Variants in NDNF observed in about 807,000 individuals in gnomAD.
NDNF encodes the protein protein NDNF.
NDNF carries 16 observed loss-of-function variants against 42.0 expected under a neutral mutation model. The observed-to-expected ratio is 0.38, with a 90% CI of 0.26 to 0.58. The LOEUF (loss-of-function observed/expected upper bound fraction) is 0.58, where lower values mean the gene tolerates loss of function less well. NDNF is among the 20% of genes least tolerant of loss of function. NDNF has a pLI of 0.67. For missense variants in NDNF, 616 were observed against 666.2 expected, an observed-to-expected ratio of 0.92 and a Z score of 0.83; for synonymous variants, 248 against 251.7, an observed-to-expected ratio of 0.99 and a Z score of 0.14.
chr4:121,059,417 C>G lies in NDNF; in HGVS notation c.-2+12576G>C, dbSNP rs559334675. On this transcript the variant is annotated intron_variant, in intron 1 of 3. Transcript: ENST00000379692. ...CTTAATAGCAAATAAAATATGAATGCTTTTGACAATTTTATGGGTGCTAAA... is the reference window on the plus strand; with the variant it reads ...CTTAATAGCAAATAAAATATGAATGGTTTTGACAATTTTATGGGTGCTAAA... Among the ~76,000 whole-genome samples, 8 of 152,238 alleles carry G rather than the reference C, an allele frequency of 5.3e-5. No individual in the cohort carries two copies. In the East Asian group the frequency reaches 1.4e-3, roughly 26 times the overall value.
Position 121,051,991 on chromosome 4 carries a change from G to A in NDNF, c.-1-6153C>T, listed in dbSNP as rs143058478. On this transcript the variant is annotated intron_variant, in intron 1 of 3. Transcript: ENST00000379692. ...GTCCAAGGCTCTCAAAATAGAAGAC[G>A]TGATATAAATTAATGCACTGTGACC... Among the ~76,000 whole-genome samples the A allele has an allele frequency of 1.9e-3, 292 of 152,304 alleles. 1 individual carries two copies. The highest frequency in any genetic ancestry group is 2.4e-3 in the Non-Finnish European group (160 of 68,022).
At chr4:121,042,487 TAAAC>T (rs756282404) in intron 2 of NDNF, among the ~76,000 whole-genome samples, 13 of 152,220 alleles carry the variant, frequency 8.5e-5, no homozygotes, top group Non-Finnish European at 1.6e-4. Context: ...ACAGTAAAGT[TAAAC>T]AATCATCTAG....
At chr4:121,039,192 GTATATATATATATATATATATA>G (rs57613027) in intron 3 of NDNF, among the ~76,000 whole-genome samples, 5 of 21,558 alleles carry the variant, frequency 2.3e-4, no homozygotes, top group African/African-American at 3.0e-4. Flanking sequence ...GTGTGTGTGT[GTATATATATATATATATATATA>G]TATATATATA....
In NDNF at chr4:121,060,647, C is replaced by T. The variant is rs185860178; in HGVS notation, c.-2+11346G>A. Among the ~76,000 whole-genome samples, 457 of 152,206 alleles carry T rather than the reference C, an allele frequency of 3.0e-3. 2 individuals carry two copies. The highest frequency in any genetic ancestry group is 0.011 in the African/African-American group (442 of 41,506). On this transcript the variant is annotated intron_variant, in intron 1 of 3. Coordinates refer to ENST00000379692, the MANE Select transcript of NDNF (RefSeq NM_024574.4). ...CTTAACAGAGTTTGCAAAAACACTA[C>T]CAATAAATAAAATGAGATCAAGAAG...
Position 121,040,021 on chromosome 4 carries a change from T to TG in NDNF, c.221dup (p.Leu75IlefsTer9). The stretch of plus-strand genomic sequence containing the variant: ...CACAGGGCGTCACTGTGACTGATAA[T>TG]GGAGTATTGTCTTCTTCAACCACAA... On this transcript the variant is annotated frameshift_variant, in exon 3 of 4. Coordinates refer to ENST00000379692, the MANE Select transcript of NDNF (RefSeq NM_024574.4). LOFTEE classifies it high-confidence loss of function. 3 of 1,613,960 alleles carry TG rather than the reference T, an allele frequency of 1.9e-6. No homozygotes were observed. The highest frequency in any genetic ancestry group is 2.5e-6 in the Non-Finnish European group (3 of 1,179,942).
intron 1 of NDNF, among the ~76,000 whole-genome samples, chr4:121,053,105 A>G (rs1727228196): frequency 2.0e-5 from 3 of 152,210 alleles, no homozygotes; most frequent in Admixed American, 6.5e-5. Flanking sequence ...ACACAGTGAC[A>G]TGATTATTAA....
At chr4:121,049,503 C>T (rs554604828) in intron 1 of NDNF, among the ~76,000 whole-genome samples, 10 of 152,248 alleles carry the variant, frequency 6.6e-5, no homozygotes, top group Admixed American at 5.9e-4. Flanking sequence ...CTGAGTAATA[C>T]GTCACTCTGA....
chr4:121,061,355 C>T (rs958380676), intron 1 of NDNF: 2 of 152,810 alleles, frequency 1.3e-5, no homozygotes, highest in Admixed American at 6.5e-5. Context: ...TGCACAGCTT[C>T]GGGAGCGATG....
intron 1 of NDNF, chr4:121,061,345 T>G (rs1279752621): frequency 6.5e-6 from 1 of 152,702 alleles, no homozygotes; most frequent in Admixed American, 6.5e-5. Context: ...TTTGGCCAAG[T>G]GCACAGCTTC....
chr4:121,040,041 C>G lies in NDNF; in HGVS notation c.202G>C (p.Val68Leu). Residue 68 changes from valine (V) to leucine (L), a missense_variant, in exon 3 of 4, where the codon GTT becomes CTT. Physicochemically the swap from Val to Leu is conservative, Grantham distance 32. Transcript: ENST00000379692. The stretch of plus-strand genomic sequence containing the variant: ...GATAATGGAGTATTGTCTTCTTCAA[C>G]CACAAAGAAATACCTGTGGGAAAGT... ...RDTPKRYFFV[V>L]EEDNTPLSVT... 6.2e-7 allele frequency: 1 copy of G among 1,613,550 alleles called. No homozygotes were observed. The highest frequency in any genetic ancestry group is 8.5e-7 in the Non-Finnish European group (1 of 1,179,800).
Position 121,036,948 on chromosome 4 carries a change from C to G in NDNF, c.1023G>C (p.Lys341Asn), listed in dbSNP as rs147317662. 25 of 1,613,946 alleles carry G rather than the reference C, an allele frequency of 1.5e-5. No individual in the cohort carries two copies. The highest frequency in any genetic ancestry group is 2.1e-5 in the Non-Finnish European group (25 of 1,179,996). Residue 341 changes from lysine (K) to asparagine (N), a missense_variant, in exon 4 of 4, where the codon AAG becomes AAC. By Grantham distance (94) the Lys-to-Asn change is moderately conservative (BLOSUM62 0). Coordinates refer to ENST00000379692, the MANE Select transcript of NDNF (RefSeq NM_024574.4). ...TCTTCCCATCTTTTAGCTCGACTGT[C>G]TTCTGTTTGGCTTCTTCCTTGGTCC... ...FARTKEEAKQ[K>N]TVELKDGKIT...
intron 2 of NDNF, among the ~76,000 whole-genome samples, chr4:121,042,323 T>C (rs1164001454): frequency 6.6e-6 from 1 of 152,238 alleles, no homozygotes; most frequent in African/African-American, 2.4e-5. Context: ...AGAGTCTCCT[T>C]CTATCTGAAG....
rs2148765018 is a variant in NDNF, at chr4:121,044,496, T to C, written c.188+1154A>G. Among the ~76,000 whole-genome samples the C allele has an allele frequency of 3.3e-5, 5 of 150,494 alleles. 1 individual carries two copies. The South Asian group carries it at 1.0e-3, about 31-fold the overall frequency. On this transcript the variant is annotated intron_variant, in intron 2 of 3. Coordinates refer to ENST00000379692, the MANE Select transcript of NDNF (RefSeq NM_024574.4). ...CTTTAAATGTAATTAATTTATAACATATTATTTTTATTTTATATATATATA... is the reference window on the plus strand; with the variant it reads ...CTTTAAATGTAATTAATTTATAACACATTATTTTTATTTTATATATATATA...
chr4:121,056,560 G>A (rs1336480506), intron 1 of NDNF, among the ~76,000 whole-genome samples: 1 of 152,118 alleles, frequency 6.6e-6, no homozygotes, highest in East Asian at 1.9e-4. Flanking sequence ...GACTAAAACA[G>A]AATACTACAG....
rs150902869 is a variant in NDNF at position 121,037,224 on chromosome 4, G to C, written c.747C>G (p.Pro249=). The C allele has an allele frequency of 6.1e-5, 98 of 1,613,914 alleles. No homozygotes were observed. The highest frequency in any genetic ancestry group is 8.1e-5 in the Non-Finnish European group (96 of 1,180,016). The change falls in exon 4 of 4, where the codon CCC becomes CCG. Residue 249 remains proline (P), a synonymous_variant. Transcript: ENST00000379692. ...GAAATCCAAAGTGGGCAAAGTCAAAGGGGCTGAAGTCCAGACCAGGTTTCG... is the reference window on the plus strand; with the variant it reads ...GAAATCCAAAGTGGGCAAAGTCAAACGGGCTGAAGTCCAGACCAGGTTTCG... The part of the protein sequence containing the change: ...MAPKPGLDFS[P]FDFAHFGFPS...
intron 1 of NDNF, among the ~76,000 whole-genome samples, chr4:121,050,547 T>G (rs1302968114): frequency 2.6e-5 from 4 of 152,226 alleles, no homozygotes; most frequent in African/African-American, 9.6e-5. Context: ...AGTTCAAACA[T>G]AAGCTGAAAG....
At chr4:121,059,833 G>C (rs1727372590) in intron 1 of NDNF, among the ~76,000 whole-genome samples, 1 of 152,114 alleles carries the variant, frequency 6.6e-6, no homozygotes, top group African/African-American at 2.4e-5. Flanking sequence ...CTTTCTAACG[G>C]GCTCCCAGGA....
rs772951169 is a variant in NDNF at position 121,036,543 on chromosome 4, G to T, written c.1428C>A (p.Asn476Lys). 4 of 1,614,114 alleles carry T rather than the reference G, an allele frequency of 2.5e-6. No homozygotes were observed. The highest frequency in any genetic ancestry group is 1.1e-5 in the South Asian group (1 of 91,074). The part of the protein sequence containing the change: ...TVAWLGTQER[N>K]KFCIYKKEVD... ...CTTCTTTTTTGTAGATGCAAAACTTGTTCCTTTCCTGAGTGCCTAGCCAAG... is the reference window on the plus strand; with the variant it reads ...CTTCTTTTTTGTAGATGCAAAACTTTTTCCTTTCCTGAGTGCCTAGCCAAG... Residue 476 changes from asparagine to lysine, a missense_variant, in exon 4 of 4, where the codon AAC becomes AAA. Transcript: ENST00000379692.
chr4:121,070,309 A>C (rs770489651), intron 1 of NDNF, among the ~76,000 whole-genome samples: 1 of 152,176 alleles, frequency 6.6e-6, no homozygotes, highest in South Asian at 2.1e-4. Context: ...CACTTCTTTC[A>C]AGATAATAAA....
Sources: gnomAD v4.1 joint callset for allele counts (sites outside exome capture counted in the v4.1 genomes callset) on GRCh38, gnomAD v4.1.1 for gene constraint, MANE v1.5 for transcripts, NCBI Gene and HGNC (gene_info 2026-07-23, HGNC 2026-07-21) for gene names.